KCNMA1: variants seen among roughly 807,000 people sequenced by gnomAD.
The protein encoded by KCNMA1 is potassium calcium-activated channel subfamily M alpha 1, also known as Calcium-activated potassium channel subunit alpha-1.
KCNMA1 carries 29 observed loss-of-function variants against 140.0 expected under a neutral mutation model. The observed-to-expected ratio is 0.21, with a 90% CI of 0.15 to 0.28. The LOEUF (loss-of-function observed/expected upper bound fraction) is 0.28, where lower values mean the gene tolerates loss of function less well. Among genes scored for constraint, KCNMA1 ranks in the 10% least tolerant of loss-of-function variants. The pLI, the probability that KCNMA1 is intolerant of heterozygous loss-of-function variation, is 1.00. For missense variants in KCNMA1, 880 were observed against 1,602.2 expected, an observed-to-expected ratio of 0.55 and a Z score of 7.70; for synonymous variants, 612 against 611.9, an observed-to-expected ratio of 1.00 and a Z score of 0.00.
At chr10:77,068,070 G>A (rs932583512) in intron 14 of KCNMA1, among the ~76,000 whole-genome samples, 1 of 152,122 alleles carries the variant, frequency 6.6e-6, no homozygotes, top group African/African-American at 2.4e-5. Context: ...GTTTGCTTGG[G>A]TTTGAACACC....
At chr10:77,231,104 C>T (rs1187389620) in intron 3 of KCNMA1, among the ~76,000 whole-genome samples, 2 of 152,146 alleles carry the variant, frequency 1.3e-5, no homozygotes, top group Non-Finnish European at 2.9e-5. Context: ...CATTATTTTG[C>T]TAACATTATC....
At chr10:77,407,634 C>T (rs1204437646) in intron 1 of KCNMA1, among the ~76,000 whole-genome samples, 1 of 152,218 alleles carries the variant, frequency 6.6e-6, no homozygotes, top group Non-Finnish European at 1.5e-5. Flanking sequence ...CCCACCTGGG[C>T]TTGTACCTGC....
At chr10:77,554,939 T>G (rs1036425877) in intron 1 of KCNMA1, among the ~76,000 whole-genome samples, 2 of 152,160 alleles carry the variant, frequency 1.3e-5, no homozygotes, top group Non-Finnish European at 2.9e-5. Flanking sequence ...CAGGTTGGCA[T>G]TGACCTCTTC....
At chr10:76,949,095 G>T in intron 22 of KCNMA1, 47 bp downstream of exon 22, 2 of 1,381,056 alleles carry the variant, frequency 1.4e-6, no homozygotes, top group Non-Finnish European at 2.1e-6. Flanking sequence ...ATTTTCTTTT[G>T]TGAATGAAAA....
intron 19 of KCNMA1, among the ~76,000 whole-genome samples, chr10:76,989,463 T>A (rs1403924888): frequency 1.3e-5 from 2 of 152,146 alleles, no homozygotes; most frequent in Non-Finnish European, 2.9e-5. Flanking sequence ...ACTTTTAGCC[T>A]TTCTCAATCA....
intron 2 of KCNMA1, among the ~76,000 whole-genome samples, chr10:77,288,739 A>G (rs1431514528): frequency 6.6e-6 from 1 of 152,244 alleles, no homozygotes; most frequent in Non-Finnish European, 1.5e-5. Flanking sequence ...ATGGTTAATA[A>G]TAGCTATCAG....
chr10:77,009,253 A>G (rs2090089370), intron 18 of KCNMA1, among the ~76,000 whole-genome samples: 2 of 152,294 alleles, frequency 1.3e-5, no homozygotes, highest in Non-Finnish European at 2.9e-5. Flanking sequence ...CACTAGCTCC[A>G]CCAACTTTAA....
At position 77,086,497 on chromosome 10, in the gene KCNMA1, T is replaced by A; in HGVS notation, c.1431A>T (p.Ala477=). ...ACCTCTTCCTCCTTACCTTGACTCT[T>A]GCAAGATCATGTGGATTGAGGACGG... ...QGSVLNPHDL[A]RVKIESADAC... The change falls in exon 11 of 28, where the codon GCA becomes GCT. Residue 477 remains alanine, a synonymous_variant. Transcript: ENST00000286628. 3 of 1,611,316 alleles carry A rather than the reference T, an allele frequency of 1.9e-6. No homozygotes were observed. The highest frequency in any genetic ancestry group is 2.5e-6 in the Non-Finnish European group (3 of 1,177,406).
intron 1 of KCNMA1, among the ~76,000 whole-genome samples, chr10:77,437,290 G>GA (rs1341514661): frequency 6.6e-6 from 1 of 152,132 alleles, no homozygotes; most frequent in Non-Finnish European, 1.5e-5. Flanking sequence ...AAGACAGGGA[G>GA]AAAAAGGAAG....
intron 1 of KCNMA1, among the ~76,000 whole-genome samples, chr10:77,435,273 A>T (rs533884277): frequency 3.0e-4 from 46 of 152,300 alleles, no homozygotes; most frequent in African/African-American, 1.1e-3. Flanking sequence ...CCGTAACATT[A>T]CCACATGTGA....
chr10:77,572,569 C>CATAT (rs56706119), intron 1 of KCNMA1, among the ~76,000 whole-genome samples: 5,184 of 37,420 alleles, frequency 0.14, 663 homozygotes, highest in East Asian at 0.18. Flanking sequence ...AAAAAAAATC[C>CATAT]ATATATATAT....
chr10:77,130,792 C>CAT (rs1301573902), intron 5 of KCNMA1, among the ~76,000 whole-genome samples: 9 of 151,992 alleles, frequency 5.9e-5, no homozygotes, highest in Non-Finnish European at 1.0e-4. Context: ...ACTTGGCATA[C>CAT]ATATATATGT....
intron 23 of KCNMA1, among the ~76,000 whole-genome samples, chr10:76,942,178 T>C (rs1314136458): frequency 6.6e-6 from 1 of 152,120 alleles, no homozygotes; most frequent in African/African-American, 2.4e-5. Flanking sequence ...TTCGCCATGT[T>C]GGCCAAGTGG....
chr10:77,475,672 T>C (rs1000404089), intron 1 of KCNMA1, among the ~76,000 whole-genome samples: 3 of 152,178 alleles, frequency 2.0e-5, no homozygotes, highest in African/African-American at 7.2e-5. Flanking sequence ...TAATATCTTG[T>C]TATCACATGG....
chr10:77,003,408 C>T (rs916604648), intron 18 of KCNMA1, among the ~76,000 whole-genome samples: 31 of 152,248 alleles, frequency 2.0e-4, no homozygotes, highest in African/African-American at 6.5e-4. Context: ...CAAACAGCAA[C>T]GGCTGAAGTC....
intron 17 of KCNMA1, among the ~76,000 whole-genome samples, chr10:77,018,553 G>C (rs1393980893): frequency 2.0e-5 from 3 of 152,176 alleles, no homozygotes; most frequent in African/African-American, 7.2e-5. Flanking sequence ...GCCACAAATA[G>C]AAATAGAGCC....
intron 25 of KCNMA1, among the ~76,000 whole-genome samples, chr10:76,898,250 A>G (rs1461821595): frequency 1.3e-5 from 2 of 151,922 alleles, no homozygotes; most frequent in Non-Finnish European, 2.9e-5. Flanking sequence ...ATTTTAAACT[A>G]TTATGTTAGA....
At position 77,636,762 on chromosome 10, in the gene KCNMA1, A is replaced by G. The variant is rs200150931; in HGVS notation, c.378+503T>C. ...GCAAAATTATTCTCTCCCTTGCCCA[A>G]AGGATTTTTCCCTTCTTTCTGACCC... On this transcript the variant is annotated intron_variant, in intron 1 of 27. Coordinates refer to ENST00000286628, the MANE Select transcript of KCNMA1 (RefSeq NM_001161352.2). The G allele has an allele frequency of 3.1e-5, 46 of 1,465,394 alleles. 1 individual carries two copies. The highest frequency in any genetic ancestry group is 2.5e-4 in the Middle Eastern group (1 of 4,038). 90.8% of individuals were successfully genotyped at this position (1,465,394 alleles called of 1,614,324 possible).
intron 3 of KCNMA1, among the ~76,000 whole-genome samples, chr10:77,220,736 C>T (rs1484769162): frequency 1.3e-5 from 2 of 151,184 alleles, no homozygotes; most frequent in Admixed American, 1.3e-4. Context: ...TCCTTTTTAC[C>T]CCCTTAGCCA....
Sources: gnomAD v4.1 joint callset for allele counts (sites outside exome capture counted in the v4.1 genomes callset) on GRCh38, gnomAD v4.1.1 for gene constraint, MANE v1.5 for transcripts, NCBI Gene and HGNC (gene_info 2026-07-23, HGNC 2026-07-21) for gene names.